PRKD1: variants seen among roughly 807,000 people sequenced by gnomAD.
The protein encoded by PRKD1 is protein kinase D1.
In PRKD1, 63 loss-of-function variants were observed where a neutral mutation model predicts 95.9. That is an observed-to-expected ratio of 0.66 (90% CI 0.54 to 0.81). The LOEUF (loss-of-function observed/expected upper bound fraction) is 0.81, where lower values mean the gene tolerates loss of function less well. Ranked by LOEUF, PRKD1 falls within the 30% of genes least tolerant of loss-of-function variation. The pLI is 0.00. For missense variants in PRKD1, 1,048 were observed against 1,165.3 expected, an observed-to-expected ratio of 0.90 and a Z score of 1.47; for synonymous variants, 425 against 423.1, an observed-to-expected ratio of 1.00 and a Z score of -0.05.
intron 1 of PRKD1, among the ~76,000 whole-genome samples, chr14:29,778,087 T>C (rs1888857343): frequency 6.6e-6 from 1 of 152,224 alleles, no homozygotes; most frequent in Non-Finnish European, 1.5e-5. Context: ...AGTTGTTCTT[T>C]GAAACCAATG....
At chr14:29,792,805 T>C (rs986901010) in intron 1 of PRKD1, among the ~76,000 whole-genome samples, 6 of 152,060 alleles carry the variant, frequency 3.9e-5, no homozygotes, top group African/African-American at 1.4e-4. Context: ...TTATGGAAAC[T>C]AGACGGAAAA....
intron 1 of PRKD1, among the ~76,000 whole-genome samples, chr14:29,925,750 T>C (rs527387571): frequency 1.4e-4 from 22 of 152,370 alleles, no homozygotes; most frequent in Middle Eastern, 3.4e-3. Context: ...CTTTAGAATT[T>C]AGAAAAGTTA....
At chr14:29,895,186 G>A (rs986551182) in intron 1 of PRKD1, among the ~76,000 whole-genome samples, 4 of 152,110 alleles carry the variant, frequency 2.6e-5, no homozygotes, top group South Asian at 4.2e-4. Flanking sequence ...GCATGGTGGC[G>A]GACACCTGTA....
rs371054392 is a variant in PRKD1 at position 29,637,361 on chromosome 14, T to C, written c.986-867A>G. Among the ~76,000 whole-genome samples the C allele has an allele frequency of 5.3e-5, 8 of 152,304 alleles. No individual in the cohort carries two copies. In the East Asian group the frequency reaches 9.6e-4, roughly 18 times the overall value. ...CCTGTCATTATACAGTTGATGGTAA[T>C]GGCAAAAATTAAAATTACTTACTAA... On this transcript the variant is annotated intron_variant, in intron 6 of 17. Coordinates refer to ENST00000331968, the MANE Select transcript of PRKD1 (RefSeq NM_002742.3).
intron 7 of PRKD1, 109 bp downstream of exon 7, chr14:29,636,181 A>G: frequency 2.3e-6 from 3 of 1,305,722 alleles, no homozygotes; most frequent in East Asian, 2.3e-5. Flanking sequence ...ATAAAAGTAA[A>G]CGTGCACTTC....
intron 1 of PRKD1, among the ~76,000 whole-genome samples, chr14:29,885,821 A>AAAAAAAAG (rs1893685247): frequency 6.7e-6 from 1 of 149,726 alleles, no homozygotes; most frequent in Non-Finnish European, 1.5e-5. Context: ...AAAAAAAAAA[A>AAAAAAAAG]AAAAAAAAAT....
intron 13 of PRKD1, among the ~76,000 whole-genome samples, chr14:29,600,262 C>T (rs1279292748): frequency 6.6e-6 from 1 of 152,032 alleles, no homozygotes; most frequent in African/African-American, 2.4e-5. Context: ...GTACCTTAGT[C>T]AAAACCTTTT....
chr14:29,661,180 A>G (rs935698083), intron 4 of PRKD1, among the ~76,000 whole-genome samples: 4 of 152,216 alleles, frequency 2.6e-5, no homozygotes, highest in African/African-American at 7.2e-5. Context: ...AAGAAACTTT[A>G]TAGTCAAAAT....
chr14:29,742,567 T>TA (rs1887026831), intron 1 of PRKD1, among the ~76,000 whole-genome samples: 1 of 151,886 alleles, frequency 6.6e-6, no homozygotes, highest in Admixed American at 6.6e-5. Flanking sequence ...TAAAGAACAG[T>TA]AAAAAATAGC....
intron 1 of PRKD1, among the ~76,000 whole-genome samples, chr14:29,767,440 G>A (rs190730310): frequency 3.3e-5 from 5 of 152,200 alleles, no homozygotes; most frequent in Admixed American, 3.3e-4. Flanking sequence ...TATACCTTTT[G>A]GAGCCATGCA....
At position 29,896,366 on chromosome 14, in the gene PRKD1, A is replaced by G. The variant is rs967651336; in HGVS notation, c.264+30883T>C. 1.3e-3 allele frequency among the ~76,000 whole-genome samples: 76 copies of G among 57,142 alleles called. 1 individual carries two copies. The highest frequency in any genetic ancestry group is 1.2e-3 in the Non-Finnish European group (33 of 27,878). The allele number at this position is 57,142 out of a possible 152,430, so 37.5% of individuals were successfully genotyped here. ...AAGGTTTCTACAGGCATGTGTGTGTACACACACACACACACACACACCCAT... is the reference window on the plus strand; with the variant it reads ...AAGGTTTCTACAGGCATGTGTGTGTGCACACACACACACACACACACCCAT... On this transcript the variant is annotated intron_variant, in intron 1 of 17. Coordinates refer to ENST00000331968, the MANE Select transcript of PRKD1 (RefSeq NM_002742.3).
chr14:29,814,218 C>A lies in PRKD1; in HGVS notation c.265-88544G>T, dbSNP rs537056100. On this transcript the variant is annotated intron_variant, in intron 1 of 17. Coordinates refer to ENST00000331968, the MANE Select transcript of PRKD1 (RefSeq NM_002742.3). The stretch of plus-strand genomic sequence containing the variant: ...ACAGTTATTTTGCTCACGACCTCAC[C>A]TGACTGTATTGTCTGTCCCACTACA... Among the ~76,000 whole-genome samples the A allele has an allele frequency of 5.3e-5, 8 of 152,286 alleles. 1 individual carries two copies. In the South Asian group the frequency reaches 1.0e-3, roughly 20 times the overall value.
At chr14:29,793,036 C>T (rs949278890) in intron 1 of PRKD1, among the ~76,000 whole-genome samples, 3 of 151,828 alleles carry the variant, frequency 2.0e-5, no homozygotes, top group South Asian at 2.1e-4. Flanking sequence ...ACTTCACACT[C>T]TATCATGAAA....
intron 1 of PRKD1, among the ~76,000 whole-genome samples, chr14:29,839,375 T>C (rs1891738051): frequency 6.6e-6 from 1 of 152,164 alleles, no homozygotes; most frequent in Non-Finnish European, 1.5e-5. Flanking sequence ...ACCAGTACTA[T>C]CCTGAAAACA....
intron 2 of PRKD1, among the ~76,000 whole-genome samples, chr14:29,681,547 G>A (rs1883540760): frequency 1.3e-5 from 2 of 152,164 alleles, no homozygotes; most frequent in Non-Finnish European, 2.9e-5. Flanking sequence ...TATAAAGAAT[G>A]TCTGCATGGG....
At chr14:29,584,266 G>C (rs1892842033) in intron 16 of PRKD1, among the ~76,000 whole-genome samples, 1 of 152,166 alleles carries the variant, frequency 6.6e-6, no homozygotes. Context: ...AATACCAAGT[G>C]TGTAGATACA....
In PRKD1 at chr14:29,638,791, C is replaced by T. The variant is rs144272752; in HGVS notation, c.810G>A (p.Pro270=). 3.9e-4 allele frequency: 626 copies of T among 1,613,822 alleles called. 1 individual carries two copies. The highest frequency in any genetic ancestry group is 1.0e-3 in the South Asian group (94 of 91,068). The change falls in exon 5 of 18, where the codon CCG becomes CCA. Residue 270 remains proline, a synonymous_variant. Transcript: ENST00000331968. ...TGTAGGAGTGGATGACAAATGTGTG[C>T]GGCACTTTAACTTTAGACATCAAAA... is the stretch of plus-strand genomic sequence containing the variant. ...DKILMSKVKV[P]HTFVIHSYTR...
intron 2 of PRKD1, among the ~76,000 whole-genome samples, chr14:29,687,260 T>G (rs1479732561): frequency 6.6e-6 from 1 of 152,168 alleles, no homozygotes; most frequent in Non-Finnish European, 1.5e-5. Flanking sequence ...TGATGATGTA[T>G]GAGGAAAAGC....
intron 2 of PRKD1, among the ~76,000 whole-genome samples, chr14:29,700,911 T>A (rs536066662): frequency 1.7e-3 from 257 of 151,986 alleles, no homozygotes; most frequent in Admixed American, 4.3e-3. Context: ...ATGTACCAAT[T>A]CCCCTCGCTC....
Sources: gnomAD v4.1 joint callset for allele counts (sites outside exome capture counted in the v4.1 genomes callset) on GRCh38, gnomAD v4.1.1 for gene constraint, MANE v1.5 for transcripts, NCBI Gene and HGNC (gene_info 2026-07-23, HGNC 2026-07-21) for gene names.